Variants in GUCY2F observed in about 807,000 individuals in gnomAD.
GUCY2F encodes the protein guanylate cyclase 2F, retinal, also known as retinal guanylyl cyclase 2.
A neutral mutation model predicts 73.1 loss-of-function variants in GUCY2F; 61 were observed. The observed-to-expected ratio is 0.83, with a 90% confidence interval of 0.68 to 1.03. GUCY2F has a LOEUF of 1.03. GUCY2F is among the 50% of genes least tolerant of loss of function. GUCY2F has a pLI of 0.00. For missense variants in GUCY2F, 912 were observed against 854.3 expected (o/e 1.07, Z -0.84); for synonymous variants, 331 against 307.8 (o/e 1.08, Z -0.79).
In GUCY2F at chrX:109,409,077, C is replaced by T. The variant is rs7883913; in HGVS notation, c.1883G>A (p.Arg628Gln). ...TGTCAGTATGTCTTCTAGGCTCCCT[C>T]GGGAACAGAATTCTGTCACAATGGC... ...MFAIVTEFCS[R>Q]GSLEDILTNQ... The change falls in exon 9 of 20, where the codon CGA becomes CAA. Residue 628 changes from arginine (R) to glutamine (Q), a missense_variant. By Grantham distance (43) the Arg-to-Gln change is conservative. Coordinates refer to ENST00000218006, the MANE Select transcript of GUCY2F (RefSeq NM_001522.3). The T allele has an allele frequency of 0.011, 12,226 of 1,100,428 alleles. 62 individuals are homozygous for T. Among genetic ancestry groups the T allele is most frequent in the Non-Finnish European group, 0.014 (11,417 of 795,113 alleles). 90.7% of individuals were successfully genotyped at this position (1,100,428 alleles called of 1,213,427 possible). A position where few individuals can be genotyped will look rare whatever the true frequency, so the allele number is the denominator to read the frequency against.
At chrX:109,435,698 C>G (rs1286840666) in intron 7 of GUCY2F, among the ~76,000 whole-genome samples, 1 of 111,126 alleles carries the variant, frequency 9.0e-6, no homozygotes, top group Non-Finnish European at 1.9e-5. Flanking sequence ...GCATCCCTGT[C>G]TTGTGCCAGT....
intron 3 of GUCY2F, among the ~76,000 whole-genome samples, chrX:109,463,266 G>A (rs1029396566): frequency 9.0e-6 from 1 of 110,632 alleles, no homozygotes; most frequent in African/African-American, 3.3e-5. Context: ...TCTCAATTTT[G>A]TTCACATTTT....
Position 109,452,127 on chromosome X carries a change from G to A in GUCY2F, c.1388-20C>T. 1.1e-6 allele frequency: 1 copy of A among 872,814 alleles called. No individual in the cohort carries two copies. The highest frequency in any genetic ancestry group is 1.7e-6 in the Non-Finnish European group (1 of 587,235). 71.9% of individuals were successfully genotyped at this position (872,814 alleles called of 1,213,427 possible). A position where few individuals can be genotyped will look rare whatever the true frequency, so the allele number is the denominator to read the frequency against. On this transcript the variant is annotated intron_variant, in intron 4 of 19. Transcript: ENST00000218006. ...CGATGCCTGCAGAGAGTGAGAGGAA[G>A]AGGAAGAATGGCATTATCAGAGAGA... is the stretch of plus-strand genomic sequence containing the variant.
chrX:109,462,747 C>T (rs912629509), intron 3 of GUCY2F, among the ~76,000 whole-genome samples: 1 of 111,974 alleles, frequency 8.9e-6, no homozygotes, highest in African/African-American at 3.2e-5. Context: ...CCTCTCCTTC[C>T]TTCCTTTGAT....
At chrX:109,399,575 A>G (rs1381843455) in intron 10 of GUCY2F, among the ~76,000 whole-genome samples, 1 of 111,603 alleles carries the variant, frequency 9.0e-6, no homozygotes, top group Non-Finnish European at 1.9e-5. Context: ...TAACAATAGA[A>G]ATACAGTACT....
At chrX:109,449,983 G>A (rs184070686) in intron 5 of GUCY2F, among the ~76,000 whole-genome samples, 16 of 110,972 alleles carry the variant, frequency 1.4e-4, no homozygotes, top group Admixed American at 7.7e-4. Context: ...AGTAATCACC[G>A]TCTATTACAG....
intron 7 of GUCY2F, among the ~76,000 whole-genome samples, chrX:109,431,869 T>C (rs1230331063): frequency 9.6e-6 from 1 of 103,946 alleles, no homozygotes; most frequent in Non-Finnish European, 2.0e-5. Context: ...CAAAGTCCTT[T>C]AACTAAGAAA....
intron 3 of GUCY2F, among the ~76,000 whole-genome samples, chrX:109,464,718 A>G (rs1444236356): frequency 1.8e-5 from 2 of 112,696 alleles, no homozygotes; most frequent in African/African-American, 6.4e-5. Flanking sequence ...GCCTACAGGT[A>G]GAAGCCGCAT....
At chrX:109,392,226 T>C (rs1930583196) in intron 13 of GUCY2F, 123 bp from the exon 14 acceptor site, 1 of 495,748 alleles carries the variant, frequency 2.0e-6, no homozygotes, top group Non-Finnish European at 3.4e-6. Context: ...AGGAAGAAAG[T>C]GTTACATGGA....
Position 109,399,374 on chromosome X carries a change from G to A in GUCY2F, c.2126-676C>T, listed in dbSNP as rs941568828. Among the ~76,000 whole-genome samples, 7 of 112,009 alleles carry A rather than the reference G, an allele frequency of 6.2e-5. No individual in the cohort carries two copies. The Admixed American group carries it at 6.6e-4, about 11-fold the overall frequency. The stretch of plus-strand genomic sequence containing the variant: ...TGCAATAAAAGAGAGGGAATGATGA[G>A]GGCCACTACATAGTAAAGGGAAATG... On this transcript the variant is annotated intron_variant, in intron 10 of 19. Coordinates refer to ENST00000218006, the MANE Select transcript of GUCY2F (RefSeq NM_001522.3).
intron 11 of GUCY2F, among the ~76,000 whole-genome samples, chrX:109,396,189 C>A (rs1930702778): frequency 9.0e-6 from 1 of 111,070 alleles, no homozygotes; most frequent in Non-Finnish European, 1.9e-5. Flanking sequence ...CAAATTTGAA[C>A]CCAGACAATC....
intron 3 of GUCY2F, among the ~76,000 whole-genome samples, chrX:109,457,594 T>G (rs187856442): frequency 4.5e-5 from 5 of 111,541 alleles, no homozygotes; most frequent in African/African-American, 1.6e-4. Flanking sequence ...AAACCCTTAT[T>G]TTGTATAGAA....
chrX:109,433,633 C>A (rs1368388579), intron 7 of GUCY2F, among the ~76,000 whole-genome samples: 2 of 112,189 alleles, frequency 1.8e-5, no homozygotes, highest in East Asian at 5.5e-4. Flanking sequence ...ACCACACATG[C>A]ACTATTTGTT....
chrX:109,444,680 G>T lies in GUCY2F; in HGVS notation c.1570-3198C>A, dbSNP rs546946788. On this transcript the variant is annotated intron_variant, in intron 6 of 19. Transcript: ENST00000218006. ...GGGGCCAGACAGGTAATATAAAGAC[G>T]TGAAATATGCTGAGTATAAGACAAT... Among the ~76,000 whole-genome samples, 7 of 111,611 alleles carry T rather than the reference G, an allele frequency of 6.3e-5. No homozygotes were observed. In the South Asian group the frequency reaches 2.6e-3, roughly 42 times the overall value.
At chrX:109,381,926 C>A (rs1930321518) in intron 17 of GUCY2F, among the ~76,000 whole-genome samples, 192 bp downstream of exon 17, 1 of 112,534 alleles carries the variant, frequency 8.9e-6, no homozygotes, top group African/African-American at 3.2e-5. Flanking sequence ...CCCACTGTAG[C>A]CATATTTTAA....
chrX:109,476,098 C>CAAAAA (rs35170259), intron 1 of GUCY2F, 77 bp from the exon 2 acceptor site: 5 of 281,618 alleles, frequency 1.8e-5, no homozygotes, highest in African/African-American at 3.3e-5. Flanking sequence ...GAAAGAATGG[C>CAAAAA]AAAAAAAAAA....
chrX:109,384,173 T>C (rs368015909), intron 16 of GUCY2F, among the ~76,000 whole-genome samples: 2 of 111,911 alleles, frequency 1.8e-5, no homozygotes, highest in East Asian at 5.7e-4. Flanking sequence ...ACATGAGTGA[T>C]GGGAAGTGGG....
chrX:109,409,235 C>A, intron 8 of GUCY2F, 67 bp from the exon 9 acceptor site: 1 of 547,093 alleles, frequency 1.8e-6, no homozygotes, highest in Non-Finnish European at 3.1e-6. Flanking sequence ...CAGTTGAGGG[C>A]ACATAACCTT....
At chrX:109,434,961 G>T (rs1409565652) in intron 7 of GUCY2F, among the ~76,000 whole-genome samples, 2 of 109,388 alleles carry the variant, frequency 1.8e-5, no homozygotes, top group African/African-American at 6.9e-5. Context: ...ATTTCTGAGG[G>T]CTCTGTTCTG....
Sources: allele counts gnomAD v4.1 joint callset (sites outside exome capture counted in the v4.1 genomes callset), GRCh38; gene constraint gnomAD v4.1.1; transcripts MANE v1.5; gene names NCBI Gene and HGNC (gene_info 2026-07-23, HGNC 2026-07-21).